MAP4K5: variants seen among roughly 807,000 people sequenced by gnomAD.
MAP4K5 encodes the protein MAPK/ERK kinase kinase kinase 5.
MAP4K5 carries 82 observed loss-of-function variants against 135.6 expected under a neutral mutation model. That is an observed-to-expected ratio of 0.60 (90% CI 0.51 to 0.73). The LOEUF (loss-of-function observed/expected upper bound fraction) is 0.73. Ranked by LOEUF, MAP4K5 falls within the 30% of genes least tolerant of loss-of-function variation. The pLI is 0.00. For missense variants in MAP4K5, 907 were observed against 1,010.9 expected (o/e 0.90, Z 1.39); for synonymous variants, 347 against 335.0 (o/e 1.04, Z -0.39).
intron 1 of MAP4K5, among the ~76,000 whole-genome samples, chr14:50,543,401 C>T (rs1342928199): frequency 6.6e-6 from 1 of 152,188 alleles, no homozygotes; most frequent in Non-Finnish European, 1.5e-5. Context: ...GATACATATT[C>T]TAGGTAGAGG....
At chr14:50,434,371 A>C in intron 28 of MAP4K5, 23 bp downstream of exon 28, 1 of 1,563,168 alleles carries the variant, frequency 6.4e-7, no homozygotes, top group Non-Finnish European at 8.7e-7. Context: ...TCAATATTCT[A>C]ACATAAGGTA....
At chr14:50,531,077 C>T (rs1054211406) in intron 2 of MAP4K5, among the ~76,000 whole-genome samples, 1 of 152,214 alleles carries the variant, frequency 6.6e-6, no homozygotes, top group Non-Finnish European at 1.5e-5. Context: ...CCTTAATATT[C>T]ATAGGCTGCA....
At chr14:50,553,270 CAAAA>C (rs35423067) in intron 1 of MAP4K5, among the ~76,000 whole-genome samples, 1 of 103,152 alleles carries the variant, frequency 9.7e-6, no homozygotes, top group Admixed American at 9.9e-5. Flanking sequence ...GACTCCGTTT[CAAAA>C]AAAAAAAAAA....
intron 1 of MAP4K5, among the ~76,000 whole-genome samples, chr14:50,556,983 T>A (rs975452763): frequency 2.6e-5 from 4 of 152,210 alleles, no homozygotes; most frequent in Admixed American, 2.0e-4. Context: ...TGTGGACATA[T>A]ATTGTAATTT....
Position 50,486,126 on chromosome 14 carries a change from C to T in MAP4K5, c.235G>A (p.Ala79Thr). ...TACCTAAGATAACTCCCAAAGTAGG[C>T]AACGATGTTACAATGTTTACATTCT... ...VKECKHCNIV[A>T]YFGSYLSREK... The change falls in exon 4 of 33, where the codon GCC (alanine) becomes ACC (threonine). Residue 79 changes from alanine (A) to threonine (T), a missense_variant. Ala to Thr is a moderately conservative substitution (Grantham distance 58). This residue lies in a region of MAP4K5 where 196 missense variants were observed against 189.3 expected (regional missense o/e 1.04). Transcript: ENST00000682126. The T allele has an allele frequency of 1.4e-6, 2 of 1,392,724 alleles. No homozygotes were observed. The highest frequency in any genetic ancestry group is 2.0e-6 in the Non-Finnish European group (2 of 1,014,672). The allele number at this position is 1,392,724 out of a possible 1,614,324, so 86.3% of individuals were successfully genotyped here.
At chr14:50,448,503 T>A (rs570603939) in intron 15 of MAP4K5, among the ~76,000 whole-genome samples, 46 of 151,292 alleles carry the variant, frequency 3.0e-4, no homozygotes, top group African/African-American at 1.1e-3. Context: ...AGCTTAAAGC[T>A]GAGAATCAAA....
chr14:50,482,635 GGCATGGTGGT>G (rs1460907221), intron 5 of MAP4K5: 1 of 364,728 alleles, frequency 2.7e-6, no homozygotes, highest in Non-Finnish European at 5.0e-6. Context: ...AAATTGGCTG[GGCATGGTGGT>G]GCGCACCTGT....
At chr14:50,541,758 C>T (rs1396363439) in intron 2 of MAP4K5, among the ~76,000 whole-genome samples, 5 of 151,934 alleles carry the variant, frequency 3.3e-5, no homozygotes, top group Non-Finnish European at 5.9e-5. Flanking sequence ...CGGTGGCTCA[C>T]GCCTGTAATC....
intron 1 of MAP4K5, among the ~76,000 whole-genome samples, chr14:50,557,040 G>A (rs1358467970): frequency 6.6e-6 from 1 of 152,068 alleles, no homozygotes; most frequent in Admixed American, 6.5e-5. Context: ...GCAATTCTAT[G>A]TTTAACTTTT....
At chr14:50,519,609 G>T (rs1287786560) in intron 2 of MAP4K5, among the ~76,000 whole-genome samples, 4 of 151,994 alleles carry the variant, frequency 2.6e-5, no homozygotes, top group Admixed American at 2.6e-4. Context: ...AGTCGAGATT[G>T]TGCCACTGTA....
At chr14:50,495,331 T>C (rs1459170955) in intron 3 of MAP4K5, among the ~76,000 whole-genome samples, 1 of 152,086 alleles carries the variant, frequency 6.6e-6, no homozygotes, top group African/African-American at 2.4e-5. Context: ...ATGCTCAACA[T>C]CATTAATCAG....
intron 10 of MAP4K5, 110 bp downstream of exon 10, chr14:50,468,541 T>C: frequency 1.8e-6 from 2 of 1,121,722 alleles, no homozygotes; most frequent in Non-Finnish European, 2.5e-6. Flanking sequence ...TCCCTTACAA[T>C]ACCTTTACTA....
intron 30 of MAP4K5, 119 bp from the exon 31 acceptor site, chr14:50,426,096 G>C (rs2035840502): frequency 3.8e-6 from 2 of 529,652 alleles, no homozygotes; most frequent in South Asian, 4.1e-5. Context: ...AAATTCCACT[G>C]TCTAGACCAC....
At chr14:50,477,554 G>C (rs575989445) in intron 6 of MAP4K5, among the ~76,000 whole-genome samples, 3 of 152,236 alleles carry the variant, frequency 2.0e-5, no homozygotes, top group African/African-American at 7.2e-5. Flanking sequence ...GTTTGGGTGA[G>C]CCTGGAGGAA....
chr14:50,446,002 AAACTC>A, intron 17 of MAP4K5, 72 bp downstream of exon 17: 1 of 1,004,356 alleles, frequency 1.0e-6, no homozygotes, highest in South Asian at 2.1e-5. Context: ...AATTTTGAAA[AAACTC>A]AAAATTATTT....
At chr14:50,524,296 C>G (rs1179449526) in intron 2 of MAP4K5, among the ~76,000 whole-genome samples, 19 of 152,152 alleles carry the variant, frequency 1.2e-4, no homozygotes, top group Admixed American at 1.2e-3. Flanking sequence ...GCTACATTCC[C>G]TCTACTTCCT....
At chr14:50,507,637 T>C (rs1363749077) in intron 2 of MAP4K5, among the ~76,000 whole-genome samples, 2 of 152,220 alleles carry the variant, frequency 1.3e-5, no homozygotes, top group African/African-American at 4.8e-5. Context: ...GGTTGTTCAG[T>C]TTCCATGCAG....
At chr14:50,523,171 C>T (rs1372127042) in intron 2 of MAP4K5, among the ~76,000 whole-genome samples, 2 of 152,056 alleles carry the variant, frequency 1.3e-5, no homozygotes, top group Admixed American at 6.5e-5. Context: ...ATTAGCCGGG[C>T]GTGGTGGCCC....
chr14:50,523,172 G>T (rs1057005864), intron 2 of MAP4K5, among the ~76,000 whole-genome samples: 2 of 152,104 alleles, frequency 1.3e-5, no homozygotes, highest in Admixed American at 6.5e-5. Flanking sequence ...TTAGCCGGGC[G>T]TGGTGGCCCA....
Sources: gnomAD v4.1 joint callset for allele counts (sites outside exome capture counted in the v4.1 genomes callset) on GRCh38, gnomAD v4.1.1 for gene constraint, gnomAD v4.1.1 regional missense constraint, MANE v1.5 for transcripts, NCBI Gene and HGNC (gene_info 2026-07-23, HGNC 2026-07-21) for gene names.